The following ADGRD1 variants were observed in gnomAD, a reference collection of about 807,000 sequenced individuals.
The protein encoded by ADGRD1 is adhesion G protein-coupled receptor D1, also known as G-protein coupled receptor 133.
ADGRD1 carries 77 observed loss-of-function variants against 113.4 expected under a neutral mutation model. The ratio of observed to expected loss-of-function variants is 0.68; its 90% CI spans 0.57 to 0.82. The LOEUF is 0.82. Ranked by LOEUF, ADGRD1 falls within the 40% of genes least tolerant of loss-of-function variation. ADGRD1 has a pLI of 0.00. For missense variants in ADGRD1, 1,036 were observed against 1,139.1 expected (o/e 0.91, Z 1.30); for synonymous variants, 474 against 475.0 (o/e 1.00, Z 0.03).
chr12:131,129,211 G>C (rs189309784), intron 20 of ADGRD1, among the ~76,000 whole-genome samples: 249 of 113,336 alleles, frequency 2.2e-3, no homozygotes, highest in Middle Eastern at 0.013. Flanking sequence ...TGACAGCCCC[G>C]CCCTGCTGTC....
chr12:131,033,175 A>G (rs114874338), intron 13 of ADGRD1, among the ~76,000 whole-genome samples: 6,430 of 151,352 alleles, frequency 0.042, 457 homozygotes, highest in African/African-American at 0.15. Flanking sequence ...GCCCTGCCCG[A>G]GCTCTTTTTT....
At chr12:131,091,347 CAG>C (rs2137252396) in intron 15 of ADGRD1, among the ~76,000 whole-genome samples, 1 of 152,194 alleles carries the variant, frequency 6.6e-6, no homozygotes, top group African/African-American at 2.4e-5. Flanking sequence ...GTAGAAATAA[CAG>C]AAGCATGAAT....
Position 131,004,189 on chromosome 12 carries a change from T to C in ADGRD1, c.1148T>C (p.Phe383Ser), listed in dbSNP as rs200232576. 4.3e-6 allele frequency: 7 copies of C among 1,611,724 alleles called. No homozygotes were observed. The highest frequency in any genetic ancestry group is 5.9e-6 in the Non-Finnish European group (7 of 1,177,940). Reference sequence around the variant, plus strand: ...TCTCTCGCTCCTTCCACCGCAGAGTTTTCCGTGGCCAAAATCCTGCCCAAG... The same window carrying C: ...TCTCTCGCTCCTTCCACCGCAGAGTCTTCCGTGGCCAAAATCCTGCCCAAG... ...TVEGSSAMAE[F>S]SVAKILPKTV... is the part of the protein sequence containing the mutation. Residue 383 changes from phenylalanine to serine, a missense_variant, in exon 11 of 25, where the codon TTT (phenylalanine) becomes TCT (serine). Physicochemically the swap from Phe to Ser is radical, Grantham distance 155 (BLOSUM62 -2). Transcript: ENST00000261654.
Position 131,084,696 on chromosome 12 carries a change from G to A in ADGRD1, c.1671+33G>A. On this transcript the variant is annotated intron_variant, in intron 15 of 24. Coordinates refer to ENST00000261654, the MANE Select transcript of ADGRD1 (RefSeq NM_198827.5). This position sits in a 1 kb window ranked among gnomAD's most constrained non-coding sequence, Gnocchi z 4.5. ...CCAGGCCTCAGGGGTCGCGGGACCT[G>A]GGGGACGTACCATGAGGCTGCAGGT... The A allele has an allele frequency of 1.2e-6, 2 of 1,610,774 alleles. No individual in the cohort carries two copies. Among genetic ancestry groups the A allele is most frequent in the Non-Finnish European group, 1.7e-6 (2 of 1,178,554 alleles).
At chr12:131,014,458 C>T (rs575995101) in intron 13 of ADGRD1, 118 bp downstream of exon 13, 8 of 889,314 alleles carry the variant, frequency 9.0e-6, no homozygotes, top group South Asian at 1.8e-5. Flanking sequence ...CCGGCCCGAA[C>T]TGGAATCTTC....
intron 13 of ADGRD1, among the ~76,000 whole-genome samples, chr12:131,038,831 CAGA>C (rs973199183): frequency 2.0e-5 from 3 of 152,222 alleles, no homozygotes; most frequent in Admixed American, 6.5e-5. Flanking sequence ...CTGATTTTCC[CAGA>C]AGAACTGTTT....
At chr12:130,974,960 C>G (rs956192923) in intron 4 of ADGRD1, among the ~76,000 whole-genome samples, 1 of 152,104 alleles carries the variant, frequency 6.6e-6, no homozygotes, top group Non-Finnish European at 1.5e-5. Context: ...AGGTCACTTG[C>G]TGCTAATGGG....
intron 13 of ADGRD1, among the ~76,000 whole-genome samples, chr12:131,016,425 G>A (rs934001432): frequency 6.6e-6 from 1 of 152,236 alleles, no homozygotes; most frequent in African/African-American, 2.4e-5. Context: ...CTCTTTGTGT[G>A]GAGAGAATCC....
At chr12:131,124,285 A>G (rs1950687286) in intron 20 of ADGRD1, among the ~76,000 whole-genome samples, 1 of 152,224 alleles carries the variant, frequency 6.6e-6, no homozygotes, top group Non-Finnish European at 1.5e-5. Context: ...TAAAAAGTTA[A>G]AAGCTCTATA....
Position 131,014,184 on chromosome 12 carries a change from C to T in ADGRD1, c.1332-15C>T. The stretch of plus-strand genomic sequence containing the variant: ...TGCGTTTCCCATTTTGTAATGATTT[C>T]CGTCTCTTCCCAAGGATCGCGGAGG... On this transcript the variant is annotated splice_polypyrimidine_tract_variant and intron_variant, in intron 12 of 24. Coordinates refer to ENST00000261654, the MANE Select transcript of ADGRD1 (RefSeq NM_198827.5). 1.2e-6 allele frequency: 2 copies of T among 1,612,076 alleles called. No homozygotes were observed. Among genetic ancestry groups the T allele is most frequent in the Non-Finnish European group, 1.7e-6 (2 of 1,178,940 alleles).
chr12:130,975,589 A>C (rs796995516), intron 4 of ADGRD1, among the ~76,000 whole-genome samples: 1 of 152,218 alleles, frequency 6.6e-6, no homozygotes, highest in Admixed American at 6.5e-5. Flanking sequence ...ACCATAATAA[A>C]GTTAAATGAA....
At chr12:130,998,600 G>C (rs770338931) in intron 8 of ADGRD1, among the ~76,000 whole-genome samples, 4 of 152,084 alleles carry the variant, frequency 2.6e-5, no homozygotes, top group Middle Eastern at 6.3e-3. Flanking sequence ...AAGTAGCTGG[G>C]ACTACAGGCA....
intron 18 of ADGRD1, among the ~76,000 whole-genome samples, chr12:131,109,924 G>A (rs1950314127): frequency 6.6e-6 from 1 of 152,126 alleles, no homozygotes; most frequent in Admixed American, 6.5e-5. Flanking sequence ...TTTCTGATGA[G>A]TTGACCCTTT....
intron 13 of ADGRD1, among the ~76,000 whole-genome samples, chr12:131,051,719 C>A (rs1237773307): frequency 1.3e-5 from 2 of 152,218 alleles, no homozygotes; most frequent in Non-Finnish European, 2.9e-5. Context: ...CTCCTGACCT[C>A]AGGCAGTCCA....
At chr12:130,992,434 C>T (rs1470959816) in intron 8 of ADGRD1, 42 bp downstream of exon 8, 5 of 1,552,336 alleles carry the variant, frequency 3.2e-6, no homozygotes, top group Middle Eastern at 1.7e-4. Context: ...CCGGGCGTGG[C>T]ACCCTTACCG....
intron 13 of ADGRD1, among the ~76,000 whole-genome samples, chr12:131,037,766 T>A (rs1223528328): frequency 1.5e-5 from 1 of 66,200 alleles, no homozygotes; most frequent in African/African-American, 8.2e-5. Context: ...AGGATCTTAC[T>A]GCATGGGGCC....
At chr12:131,139,092 C>G (rs1469178337) in intron 24 of ADGRD1, 76 bp from the exon 25 acceptor site, 2 of 1,123,366 alleles carry the variant, frequency 1.8e-6, no homozygotes, top group Admixed American at 3.8e-5. Context: ...GGGCCCAATG[C>G]TCCCCGCACT....
intron 23 of ADGRD1, 63 bp downstream of exon 23, chr12:131,137,077 C>G: frequency 3.8e-6 from 5 of 1,319,826 alleles, no homozygotes; most frequent in Non-Finnish European, 5.5e-6. Context: ...CGAAAGGTCA[C>G]AGGAGCAGGA....
Position 131,060,821 on chromosome 12 carries a change from C to T in ADGRD1, c.1474-15980C>T, listed in dbSNP as rs373248316. ...GCCTGGAGATCCCATTGCCTGGATT[C>T]TCAGGCAACCCTTCTTCTCCTTGAC... is the stretch of plus-strand genomic sequence containing the variant. On this transcript the variant is annotated intron_variant, in intron 13 of 24. Transcript: ENST00000261654. This position sits in a 1 kb window ranked among gnomAD's most constrained non-coding sequence, Gnocchi z 4.4. 6.6e-6 allele frequency among the ~76,000 whole-genome samples: 1 copy of T among 152,074 alleles called. No individual in the cohort carries two copies. The highest frequency in any genetic ancestry group is 2.4e-5 in the African/African-American group (1 of 41,382).
Sources: gnomAD v4.1 joint callset for allele counts (sites outside exome capture counted in the v4.1 genomes callset) on GRCh38, gnomAD v4.1.1 for gene constraint, Gnocchi (gnomAD v3.1) non-coding constraint, MANE v1.5 for transcripts, NCBI Gene and HGNC (gene_info 2026-07-23, HGNC 2026-07-21) for gene names.